The following FAM78B variants were observed in gnomAD, a reference collection of about 807,000 sequenced individuals.
FAM78B encodes the protein protein FAM78B.
A neutral mutation model predicts 20.0 loss-of-function variants in FAM78B; 10 were observed. That is an observed-to-expected ratio of 0.50 (90% CI 0.31 to 0.85). The LOEUF is 0.85. Ranked by LOEUF, FAM78B falls within the 40% of genes least tolerant of loss-of-function variation. The pLI is 0.05. For missense variants in FAM78B, 283 were observed against 345.0 expected, an observed-to-expected ratio of 0.82 and a Z score of 1.42; for synonymous variants, 135 against 132.8, an observed-to-expected ratio of 1.02 and a Z score of -0.12.
downstream of FAM78B, among the ~76,000 whole-genome samples, chr1:166,067,742 C>A (rs553231224): frequency 6.6e-6 from 1 of 152,314 alleles, no homozygotes; most frequent in Non-Finnish European, 1.5e-5. Flanking sequence ...AGCTGAGACA[C>A]CCAACTGTAG....
Position 166,155,217 on chromosome 1 carries a change from C to T in FAM78B, c.263+10769G>A, listed in dbSNP as rs561775200. 1.2e-4 allele frequency among the ~76,000 whole-genome samples: 19 copies of T among 152,348 alleles called. No individual in the cohort carries two copies. In the South Asian group the frequency reaches 3.7e-3, roughly 30 times the overall value. On this transcript the variant is annotated intron_variant, in intron 1 of 1. Coordinates refer to ENST00000354422, the MANE Select transcript of FAM78B (RefSeq NM_001017961.5). ...CACTCAAGCAATATCCTGAATACTT[C>T]CTGATCATTCATTCATTTGGACATT...
intron 1 of FAM78B, among the ~76,000 whole-genome samples, chr1:166,128,307 C>T (rs528414937): frequency 4.6e-5 from 7 of 152,238 alleles, no homozygotes; most frequent in Non-Finnish European, 7.4e-5. Flanking sequence ...ATAATGAGCA[C>T]TCAATGGACT....
intron 1 of FAM78B, among the ~76,000 whole-genome samples, chr1:166,081,489 T>C (rs1449702577): frequency 6.6e-6 from 1 of 152,166 alleles, no homozygotes; most frequent in Non-Finnish European, 1.5e-5. Context: ...GCAAAGCGCC[T>C]TACCCCACAC....
intron 1 of FAM78B, among the ~76,000 whole-genome samples, chr1:166,163,014 G>A (rs1052365463): frequency 6.6e-6 from 1 of 152,138 alleles, no homozygotes; most frequent in Non-Finnish European, 1.5e-5. Flanking sequence ...ACCAAAGAGC[G>A]CTGCTTTTCT....
At chr1:166,084,932 A>C (rs1257597792) in intron 1 of FAM78B, among the ~76,000 whole-genome samples, 1 of 152,204 alleles carries the variant, frequency 6.6e-6, no homozygotes, top group African/African-American at 2.4e-5. Flanking sequence ...AAAAGGCCTT[A>C]ACACCGTGAA....
At chr1:166,119,073 GGA>G (rs149111581) in intron 1 of FAM78B, among the ~76,000 whole-genome samples, 1 of 151,698 alleles carries the variant, frequency 6.6e-6, no homozygotes, top group African/African-American at 2.4e-5. Flanking sequence ...AGTAGGAGTA[GGA>G]GAGAGAGAGA....
At chr1:166,147,955 G>A (rs1340836316) in intron 1 of FAM78B, 1 of 152,198 alleles carries the variant, frequency 6.6e-6, no homozygotes, top group African/African-American at 2.4e-5. Context: ...GCTTTTTAAT[G>A]TTGCCTGCAA....
intron 1 of FAM78B, among the ~76,000 whole-genome samples, chr1:166,141,916 C>T (rs1340897184): frequency 6.6e-6 from 1 of 152,144 alleles, no homozygotes; most frequent in Non-Finnish European, 1.5e-5. Context: ...TCATCCATAT[C>T]ATATTGATAT....
chr1:166,135,323 A>G (rs1368601460), intron 1 of FAM78B, among the ~76,000 whole-genome samples: 1 of 152,254 alleles, frequency 6.6e-6, no homozygotes, highest in African/African-American at 2.4e-5. Context: ...TCAAAGTCCA[A>G]AACTCTGAGA....
intron 1 of FAM78B, among the ~76,000 whole-genome samples, chr1:166,145,287 TCAAAGGTGCCTCCTAAACATGGTAC>T (rs908378539): frequency 3.9e-5 from 6 of 152,190 alleles, no homozygotes; most frequent in Non-Finnish European, 7.3e-5. Context: ...TCTTTGCAAG[TCAAAGGTGCCTCCTAAACATGGTAC>T]CAAAGCAAGA....
At chr1:166,155,406 T>C (rs986406396) in intron 1 of FAM78B, among the ~76,000 whole-genome samples, 6 of 152,204 alleles carry the variant, frequency 3.9e-5, no homozygotes, top group Non-Finnish European at 7.3e-5. Context: ...AGGAAAATAA[T>C]GGTGCTACCT....
chr1:166,061,979 T>G (rs1041784849), intron 2 of FAM78B, among the ~76,000 whole-genome samples: 1 of 152,248 alleles, frequency 6.6e-6, no homozygotes, highest in African/African-American at 2.4e-5. Flanking sequence ...ATTATTTCAC[T>G]ATATTATTTC....
chr1:166,078,927 GT>G (rs11345450), intron 1 of FAM78B, among the ~76,000 whole-genome samples: 47,027 of 135,182 alleles, frequency 0.35, 8,378 homozygotes, highest in East Asian at 0.66. Context: ...GGCCTTACAT[GT>G]TTTTTTTTTT....
At chr1:166,091,126 C>T (rs962226966) in intron 1 of FAM78B, among the ~76,000 whole-genome samples, 4 of 152,114 alleles carry the variant, frequency 2.6e-5, no homozygotes, top group Admixed American at 6.5e-5. Flanking sequence ...AGGTGTGGCA[C>T]GGGCAGGAAG....
rs144783947 is a variant in FAM78B at position 166,116,765 on chromosome 1, T to C, written c.264-46002A>G. On this transcript the variant is annotated intron_variant, in intron 1 of 1. Coordinates refer to ENST00000354422, the MANE Select transcript of FAM78B (RefSeq NM_001017961.5). ...AGCTGAAAAATCCCCTTTCGACTTA[T>C]GGGAAAACACTGGCTGGGTTCAAGT... Among the ~76,000 whole-genome samples the C allele has an allele frequency of 1.6e-4, 24 of 152,340 alleles. 1 individual carries two copies. The highest frequency in any genetic ancestry group is 4.8e-4 in the African/African-American group (20 of 41,576).
Position 166,069,395 on chromosome 1 carries a change from T to C in FAM78B, c.*846A>G, listed in dbSNP as rs1229567711. On this transcript the variant is annotated 3_prime_UTR_variant, in exon 2 of 2. Transcript: ENST00000354422. ...TTAAATATAAATTTAGGGCTAATCATGGGAACAGAATAAGCAGCTGTAAAC... is the reference window on the plus strand; with the variant it reads ...TTAAATATAAATTTAGGGCTAATCACGGGAACAGAATAAGCAGCTGTAAAC... 6.6e-6 allele frequency: 1 copy of C among 152,182 alleles called. No homozygotes were observed. Among genetic ancestry groups the C allele is most frequent in the African/African-American group, 2.4e-5 (1 of 41,450 alleles). The allele number at this position is 152,182 out of a possible 1,614,324, so 9.4% of individuals were successfully genotyped here.
chr1:166,078,034 T>C (rs780146941), intron 1 of FAM78B, among the ~76,000 whole-genome samples: 2 of 138,054 alleles, frequency 1.4e-5, no homozygotes, highest in Non-Finnish European at 1.5e-5. Flanking sequence ...AAATAAAATA[T>C]ATCTATATAT....
At chr1:166,122,122 G>A (rs765171310) in intron 1 of FAM78B, among the ~76,000 whole-genome samples, 4 of 152,212 alleles carry the variant, frequency 2.6e-5, no homozygotes, top group Non-Finnish European at 5.9e-5. Flanking sequence ...AGTTGGAAGT[G>A]AGTCAGGAGA....
chr1:166,132,117 T>G (rs111482625), intron 1 of FAM78B, among the ~76,000 whole-genome samples: 1 of 152,370 alleles, frequency 6.6e-6, no homozygotes, highest in South Asian at 2.1e-4. Context: ...CTATGAAGAC[T>G]GGAAACATAT....
Sources: gnomAD v4.1 joint callset for allele counts (sites outside exome capture counted in the v4.1 genomes callset) on GRCh38, gnomAD v4.1.1 for gene constraint, MANE v1.5 for transcripts, NCBI Gene and HGNC (gene_info 2026-07-23, HGNC 2026-07-21) for gene names.